VWC2L: variants seen among roughly 807,000 people sequenced by gnomAD.
The protein encoded by VWC2L is von Willebrand factor C domain-containing protein 2-like.
Under a neutral mutation model 21.6 loss-of-function variants are expected in VWC2L, and 10 were observed. The ratio of observed to expected loss-of-function variants is 0.46; its 90% confidence interval spans 0.29 to 0.78. The LOEUF (loss-of-function observed/expected upper bound fraction) is 0.78. VWC2L is among the 30% of genes least tolerant of loss of function. The pLI, the probability that VWC2L is intolerant of heterozygous loss-of-function variation, is 0.10. For missense variants in VWC2L, 209 were observed against 277.1 expected (o/e 0.75, Z 1.74); for synonymous variants, 96 against 94.3 (o/e 1.02, Z -0.10).
At chr2:214,446,651 G>T (rs186352809) in intron 3 of VWC2L, among the ~76,000 whole-genome samples, 1 of 152,276 alleles carries the variant, frequency 6.6e-6, no homozygotes, top group East Asian at 1.9e-4. Context: ...TCTCACTTAA[G>T]ATATGGAAAA....
chr2:214,519,883 A>T (rs1281766365), intron 3 of VWC2L, among the ~76,000 whole-genome samples: 1 of 152,218 alleles, frequency 6.6e-6, no homozygotes, highest in Non-Finnish European at 1.5e-5. Context: ...AGATTTATAT[A>T]TGTGCAAAGA....
chr2:214,501,055 G>C (rs112078600), intron 3 of VWC2L, among the ~76,000 whole-genome samples: 1 of 152,174 alleles, frequency 6.6e-6, no homozygotes, highest in South Asian at 2.1e-4. Flanking sequence ...TATCATTTTA[G>C]TTACTTATAG....
intron 3 of VWC2L, among the ~76,000 whole-genome samples, chr2:214,515,349 A>C (rs550151365): frequency 5.8e-4 from 89 of 152,194 alleles, no homozygotes; most frequent in African/African-American, 2.1e-3. Flanking sequence ...TAAAAGTACA[A>C]TATAGCACAC....
At chr2:214,547,524 C>T (rs2105923644) in intron 3 of VWC2L, among the ~76,000 whole-genome samples, 1 of 152,296 alleles carries the variant, frequency 6.6e-6, no homozygotes, top group Admixed American at 6.5e-5. Context: ...TCTGTAGGTG[C>T]TCCTTCAAAA....
At chr2:214,547,790 A>G (rs1424186753) in intron 3 of VWC2L, among the ~76,000 whole-genome samples, 1 of 152,218 alleles carries the variant, frequency 6.6e-6, no homozygotes, top group African/African-American at 2.4e-5. Context: ...TTGGTGGAAA[A>G]CAAACAGCCT....
In VWC2L at chr2:214,463,912, T is replaced by A. The variant is rs559514869; in HGVS notation, c.520+27154T>A. 1.1e-4 allele frequency among the ~76,000 whole-genome samples: 17 copies of A among 152,236 alleles called. 1 individual carries two copies. In the South Asian group the frequency reaches 3.3e-3, roughly 30 times the overall value. Reference sequence around the variant, plus strand: ...GTCTCAAGCTCACTACTTCTTCTGCTTGATAAATTCTGCTGCTGAGAGACT... The same window carrying A: ...GTCTCAAGCTCACTACTTCTTCTGCATGATAAATTCTGCTGCTGAGAGACT... On this transcript the variant is annotated intron_variant, in intron 3 of 3. Coordinates refer to ENST00000312504, the MANE Select transcript of VWC2L (RefSeq NM_001080500.4).
chr2:214,561,717 G>A (rs1274759479), intron 3 of VWC2L, among the ~76,000 whole-genome samples: 1 of 150,430 alleles, frequency 6.6e-6, no homozygotes, highest in Non-Finnish European at 1.5e-5. Flanking sequence ...CAAGGCTGCA[G>A]TAAGCCAAGA....
At chr2:214,496,288 C>T (rs1308324025) in intron 3 of VWC2L, among the ~76,000 whole-genome samples, 1 of 114,558 alleles carries the variant, frequency 8.7e-6, no homozygotes. Flanking sequence ...GTGACTGAAA[C>T]TTTATGTGGC....
At chr2:214,534,579 T>G (rs1689496051) in intron 3 of VWC2L, among the ~76,000 whole-genome samples, 2 of 152,216 alleles carry the variant, frequency 1.3e-5, no homozygotes, top group South Asian at 4.1e-4. Flanking sequence ...CATTGTGAAC[T>G]GTGCCCCCTG....
At chr2:214,483,201 A>G (rs981626492) in intron 3 of VWC2L, among the ~76,000 whole-genome samples, 1 of 152,174 alleles carries the variant, frequency 6.6e-6, no homozygotes, top group Non-Finnish European at 1.5e-5. Context: ...TTTCAGCCCT[A>G]CACCTTACTA....
intron 3 of VWC2L, among the ~76,000 whole-genome samples, chr2:214,496,089 C>T (rs1034901554): frequency 2.6e-5 from 4 of 151,932 alleles, no homozygotes; most frequent in African/African-American, 9.7e-5. Context: ...ATACTGTAGC[C>T]TAGGAATAAC....
intron 3 of VWC2L, among the ~76,000 whole-genome samples, chr2:214,555,487 C>G (rs1689859841): frequency 6.6e-6 from 1 of 152,156 alleles, no homozygotes; most frequent in Non-Finnish European, 1.5e-5. Context: ...CTTATTATCA[C>G]TTTATTTCCA....
At chr2:214,465,312 T>C (rs1273496846) in intron 3 of VWC2L, among the ~76,000 whole-genome samples, 1 of 151,932 alleles carries the variant, frequency 6.6e-6, no homozygotes, top group Non-Finnish European at 1.5e-5. Flanking sequence ...GTACCACTCA[T>C]GTTTATTCAA....
intron 3 of VWC2L, among the ~76,000 whole-genome samples, chr2:214,444,389 G>A (rs549366191): frequency 6.6e-6 from 1 of 151,512 alleles, no homozygotes; most frequent in East Asian, 1.9e-4. Context: ...TAATTTGGGG[G>A]GATACATATT....
intron 3 of VWC2L, among the ~76,000 whole-genome samples, chr2:214,461,003 A>G (rs1703132319): frequency 6.6e-6 from 1 of 152,214 alleles, no homozygotes; most frequent in South Asian, 2.1e-4. Flanking sequence ...TCTAGTATCC[A>G]TATGATTTCT....
intron 3 of VWC2L, among the ~76,000 whole-genome samples, chr2:214,450,538 T>C (rs937145785): frequency 1.3e-5 from 2 of 152,200 alleles, no homozygotes; most frequent in Non-Finnish European, 2.9e-5. Flanking sequence ...GTTACATATA[T>C]TTTCCTAATG....
intron 3 of VWC2L, among the ~76,000 whole-genome samples, chr2:214,489,353 CAGAAG>C (rs1159260141): frequency 6.6e-6 from 1 of 151,982 alleles, no homozygotes; most frequent in Non-Finnish European, 1.5e-5. Flanking sequence ...AAGTCTATAG[CAGAAG>C]AGAAAAGAAT....
Position 214,436,318 on chromosome 2 carries a change from C to G in VWC2L, c.391-311C>G, listed in dbSNP as rs1702678431. 4 of 233,904 alleles carry G rather than the reference C, an allele frequency of 1.7e-5. No individual in the cohort carries two copies. In the South Asian group the frequency reaches 3.4e-4, roughly 20 times the overall value. The allele number at this position is 233,904 out of a possible 1,614,324, so 14.5% of individuals were successfully genotyped here. A position where few individuals can be genotyped will look rare whatever the true frequency, so the allele number is the denominator to read the frequency against. On this transcript the variant is annotated intron_variant, in intron 2 of 3. Coordinates refer to ENST00000312504, the MANE Select transcript of VWC2L (RefSeq NM_001080500.4). ...GAGGAGGTCAGAGCAATCAGTACATCTGGAAAACAAACCAGGAGATGACAT... is the reference window on the plus strand; with the variant it reads ...GAGGAGGTCAGAGCAATCAGTACATGTGGAAAACAAACCAGGAGATGACAT...
At chr2:214,452,330 A>G (rs1702968483) in intron 3 of VWC2L, among the ~76,000 whole-genome samples, 1 of 152,032 alleles carries the variant, frequency 6.6e-6, no homozygotes, top group Non-Finnish European at 1.5e-5. Context: ...AATTTTTTGT[A>G]AAGACAGGTT....
Sources: gnomAD v4.1 joint callset for allele counts (sites outside exome capture counted in the v4.1 genomes callset) on GRCh38, gnomAD v4.1.1 for gene constraint, MANE v1.5 for transcripts, NCBI Gene and HGNC (gene_info 2026-07-23, HGNC 2026-07-21) for gene names.